WDPCP: variants seen among roughly 807,000 people sequenced by gnomAD.
WDPCP encodes the protein WD repeat-containing and planar cell polarity effector protein fritz homolog.
WDPCP carries 71 observed loss-of-function variants against 93.1 expected under a neutral mutation model. That is an observed-to-expected ratio of 0.76 (90% CI 0.63 to 0.93). The LOEUF is 0.93. Among genes scored for constraint, WDPCP ranks in the 40% least tolerant of loss-of-function variants. The probability of loss-of-function intolerance (pLI) is 0.00; values close to 1 mark genes in which losing one functional copy is unlikely to be tolerated. For synonymous variants in WDPCP, 315 were observed against 315.0 expected, an observed-to-expected ratio of 1.00 and a Z score of 0.00; for missense variants, 844 against 887.4, an observed-to-expected ratio of 0.95 and a Z score of 0.62.
At chr2:63,824,023 G>A (rs756528246) in intron 1 of WDPCP, among the ~76,000 whole-genome samples, 1 of 152,042 alleles carries the variant, frequency 6.6e-6, no homozygotes, top group Non-Finnish European at 1.5e-5. Context: ...GTTTGGCTCT[G>A]TGTCCCCTCT....
intron 1 of WDPCP, among the ~76,000 whole-genome samples, chr2:63,529,640 G>T (rs927017615): frequency 2.0e-5 from 3 of 152,100 alleles, no homozygotes; most frequent in Admixed American, 6.5e-5. Context: ...AGGATTTTTT[G>T]ATTGATGTTC....
intron 1 of WDPCP, among the ~76,000 whole-genome samples, chr2:63,552,650 A>G (rs546035919): frequency 6.6e-6 from 1 of 152,330 alleles, no homozygotes; most frequent in East Asian, 1.9e-4. Context: ...AAGGACACAG[A>G]TACAAACAGC....
chr2:63,820,852 A>C (rs778565007), intron 1 of WDPCP, among the ~76,000 whole-genome samples: 1 of 152,156 alleles, frequency 6.6e-6, no homozygotes, highest in African/African-American at 2.4e-5. Flanking sequence ...AGTAAAAAAA[A>C]CAACAAACAA....
intron 1 of WDPCP, among the ~76,000 whole-genome samples, chr2:63,545,130 T>C (rs1169859186): frequency 6.6e-6 from 1 of 152,136 alleles, no homozygotes; most frequent in Non-Finnish European, 1.5e-5. Flanking sequence ...CCTATTCCTT[T>C]TCTAGCAGCA....
At chr2:63,683,987 G>A (rs756362707) in intron 2 of WDPCP, among the ~76,000 whole-genome samples, 3 of 152,104 alleles carry the variant, frequency 2.0e-5, no homozygotes, top group Middle Eastern at 3.2e-3. Context: ...TATTACTAGA[G>A]TTAAAGAGAG....
chr2:63,664,928 T>G (rs1445438584), intron 2 of WDPCP, among the ~76,000 whole-genome samples: 1 of 152,180 alleles, frequency 6.6e-6, no homozygotes, highest in African/African-American at 2.4e-5. Flanking sequence ...CTCTAGGACT[T>G]ATGCTCTTAC....
intron 14 of WDPCP, among the ~76,000 whole-genome samples, chr2:63,202,650 A>T (rs561033361): frequency 6.6e-6 from 1 of 152,150 alleles, no homozygotes; most frequent in East Asian, 1.9e-4. Flanking sequence ...TTATTAGGAG[A>T]TTCCATAAAG....
intron 17 of WDPCP, among the ~76,000 whole-genome samples, chr2:63,125,234 C>T (rs904453095): frequency 4.6e-5 from 7 of 152,170 alleles, no homozygotes; most frequent in East Asian, 3.8e-4. Flanking sequence ...CTGGTACATA[C>T]GAGAGACAAG....
At chr2:63,677,087 A>G (rs1048816936) in intron 2 of WDPCP, among the ~76,000 whole-genome samples, 2 of 152,240 alleles carry the variant, frequency 1.3e-5, no homozygotes, top group African/African-American at 4.8e-5. Context: ...TCTCTGAAGT[A>G]GAGTCCAGGC....
At chr2:63,365,944 C>G (rs998340855) in intron 12 of WDPCP, among the ~76,000 whole-genome samples, 1 of 152,102 alleles carries the variant, frequency 6.6e-6, no homozygotes, top group Non-Finnish European at 1.5e-5. Flanking sequence ...CTTAACTGTT[C>G]AATGAGAACT....
At chr2:63,758,445 T>C (rs866165520) in intron 2 of WDPCP, among the ~76,000 whole-genome samples, 12 of 152,112 alleles carry the variant, frequency 7.9e-5, no homozygotes, top group African/African-American at 2.7e-4. Flanking sequence ...TTTTGTTTTG[T>C]TTTTGCTTTT....
intron 3 of WDPCP, among the ~76,000 whole-genome samples, chr2:63,628,021 A>G (rs1313340223): frequency 6.6e-6 from 1 of 152,194 alleles, no homozygotes; most frequent in Non-Finnish European, 1.5e-5. Context: ...TTTAGGGGTC[A>G]TGGGTATCCC....
At chr2:63,692,805 G>T (rs1316917884) in intron 2 of WDPCP, among the ~76,000 whole-genome samples, 1 of 152,086 alleles carries the variant, frequency 6.6e-6, no homozygotes, top group Non-Finnish European at 1.5e-5. Flanking sequence ...ACATTCTTAT[G>T]TATTATGTAC....
intron 2 of WDPCP, among the ~76,000 whole-genome samples, chr2:63,756,333 T>C (rs1316329971): frequency 6.6e-6 from 1 of 152,224 alleles, no homozygotes; most frequent in Non-Finnish European, 1.5e-5. Flanking sequence ...GCATCCTGCA[T>C]TGTTATTATA....
rs924504193 is a variant in WDPCP, at chr2:63,156,069, G to A, written c.2079-2495C>T. Among the ~76,000 whole-genome samples the A allele has an allele frequency of 2.0e-5, 3 of 152,056 alleles. No individual in the cohort carries two copies. The East Asian group carries it at 5.8e-4, about 29-fold the overall frequency. ...GACTGGAGAGCAGTGGCGGGATCTT[G>A]GCTCACTGCAACCTCCGCCCCCCGG... is the stretch of plus-strand genomic sequence containing the variant. On this transcript the variant is annotated intron_variant, in intron 15 of 17. Coordinates refer to ENST00000272321, the MANE Select transcript of WDPCP (RefSeq NM_015910.7).
intron 1 of WDPCP, among the ~76,000 whole-genome samples, chr2:63,520,618 G>A (rs943796237): frequency 5.3e-5 from 8 of 152,240 alleles, no homozygotes; most frequent in Non-Finnish European, 8.8e-5. Flanking sequence ...TCATCCAGGC[G>A]TGATGGCTCA....
At chr2:63,759,997 G>A (rs1670032152) in intron 2 of WDPCP, among the ~76,000 whole-genome samples, 1 of 152,218 alleles carries the variant, frequency 6.6e-6, no homozygotes, top group African/African-American at 2.4e-5. Context: ...CAGTAAGAGG[G>A]AGGCTGGATG....
chr2:63,176,300 C>T (rs1673797086), intron 14 of WDPCP, among the ~76,000 whole-genome samples: 1 of 152,064 alleles, frequency 6.6e-6, no homozygotes, highest in South Asian at 2.1e-4. Flanking sequence ...GGCTGGAGTG[C>T]AGTATCACAA....
chr2:63,537,724 C>T (rs1233389813), intron 1 of WDPCP, among the ~76,000 whole-genome samples: 2 of 152,206 alleles, frequency 1.3e-5, no homozygotes, highest in Non-Finnish European at 2.9e-5. Flanking sequence ...CTTTCCCCAA[C>T]ATCAGGCCCC....
Sources: allele counts gnomAD v4.1 joint callset (sites outside exome capture counted in the v4.1 genomes callset), GRCh38; gene constraint gnomAD v4.1.1; transcripts MANE v1.5; gene names NCBI Gene and HGNC (gene_info 2026-07-23, HGNC 2026-07-21).